CSRNP3: variants seen among roughly 807,000 people sequenced by gnomAD.
The protein encoded by CSRNP3 is cysteine and serine rich nuclear protein 3.
In CSRNP3, 12 loss-of-function variants were observed where a neutral mutation model predicts 48.0. The ratio of observed to expected loss-of-function variants is 0.25; its 90% CI spans 0.16 to 0.41. The LOEUF (loss-of-function observed/expected upper bound fraction) is 0.41, where lower values mean the gene tolerates loss of function less well. Among genes scored for constraint, CSRNP3 ranks in the 10% least tolerant of loss-of-function variants. The pLI is 1.00. For synonymous variants in CSRNP3, 263 were observed against 269.7 expected, an observed-to-expected ratio of 0.98 and a Z score of 0.24; for missense variants, 580 against 724.4, an observed-to-expected ratio of 0.80 and a Z score of 2.29.
At chr2:165,574,867 C>T (rs1262559799) in intron 3 of CSRNP3, among the ~76,000 whole-genome samples, 6 of 152,070 alleles carry the variant, frequency 3.9e-5, no homozygotes, top group Non-Finnish European at 7.4e-5. Context: ...CTCACACAAT[C>T]GCATAAGGAC....
intron 2 of CSRNP3, among the ~76,000 whole-genome samples, chr2:165,511,351 G>C (rs141188311): frequency 5.5e-4 from 83 of 152,108 alleles, no homozygotes; most frequent in Middle Eastern, 3.4e-3. Context: ...ATTTTAAGAT[G>C]GGAGATATTA....
chr2:165,567,568 C>T (rs2105271690), intron 3 of CSRNP3, among the ~76,000 whole-genome samples: 1 of 152,066 alleles, frequency 6.6e-6, no homozygotes, highest in South Asian at 2.1e-4. Context: ...GTCTAATATC[C>T]AAATAGAATG....
chr2:165,645,583 A>G (rs943393401), intron 4 of CSRNP3, among the ~76,000 whole-genome samples: 4 of 152,178 alleles, frequency 2.6e-5, no homozygotes, highest in Non-Finnish European at 4.4e-5. Flanking sequence ...AATCACAGTT[A>G]TAGTAAAATT....
rs964498788 is a variant in CSRNP3 at position 165,688,309 on chromosome 2, A to T, written c.*8556A>T. On this transcript the variant is annotated 3_prime_UTR_variant, in exon 7 of 7. Coordinates refer to ENST00000651982, the MANE Select transcript of CSRNP3 (RefSeq NM_001172173.2). ...CCTTTATTGTGTCTTAGTAAAGTTG[A>T]TCTGCTTTATTTTTAGTTTATTGAA... The T allele has an allele frequency of 5.3e-5, 8 of 152,040 alleles. No individual in the cohort carries two copies. The highest frequency in any genetic ancestry group is 1.9e-4 in the African/African-American group (8 of 41,430). The allele number at this position is 152,040 out of a possible 1,614,324, so 9.4% of individuals were successfully genotyped here. A position where few individuals can be genotyped will look rare whatever the true frequency, so the allele number is the denominator to read the frequency against.
At chr2:165,640,012 A>G (rs1430751600) in intron 4 of CSRNP3, among the ~76,000 whole-genome samples, 1 of 152,230 alleles carries the variant, frequency 6.6e-6, no homozygotes, top group African/African-American at 2.4e-5. Context: ...TTTAAAGTAC[A>G]GAACAGAGCA....
intron 5 of CSRNP3, among the ~76,000 whole-genome samples, chr2:165,662,352 G>A (rs1020922943): frequency 1.3e-5 from 2 of 152,056 alleles, no homozygotes; most frequent in African/African-American, 4.8e-5. Context: ...TTTTTTGTTA[G>A]TGGTGCTGGT....
intron 4 of CSRNP3, among the ~76,000 whole-genome samples, chr2:165,608,578 G>A (rs748214908): frequency 6.6e-6 from 1 of 152,122 alleles, no homozygotes; most frequent in Admixed American, 6.5e-5. Flanking sequence ...TCTCATGTAT[G>A]TGCTAATTGT....
Position 165,622,587 on chromosome 2 carries a change from G to T in CSRNP3, c.148+27374G>T, listed in dbSNP as rs568483955. Among the ~76,000 whole-genome samples the T allele has an allele frequency of 5.6e-4, 85 of 152,204 alleles. 1 individual carries two copies. Among genetic ancestry groups the T allele is most frequent in the South Asian group, 1.7e-3 (8 of 4,820 alleles). The stretch of plus-strand genomic sequence containing the variant: ...GAACTCATGATTCTTCTATCTCGTT[G>T]ATCCACCATATTTAACACTGTTTCT... On this transcript the variant is annotated intron_variant, in intron 4 of 6. Coordinates refer to ENST00000651982, the MANE Select transcript of CSRNP3 (RefSeq NM_001172173.2).
chr2:165,484,746 C>G (rs905035435), intron 1 of CSRNP3, among the ~76,000 whole-genome samples: 8 of 152,180 alleles, frequency 5.3e-5, no homozygotes, highest in African/African-American at 1.9e-4. Flanking sequence ...GCATCCTATT[C>G]TCTCTCACAA....
chr2:165,616,601 G>T (rs1164783640), intron 4 of CSRNP3, among the ~76,000 whole-genome samples: 1 of 152,082 alleles, frequency 6.6e-6, no homozygotes, highest in Non-Finnish European at 1.5e-5. Context: ...CTGAACTGTA[G>T]ATTTCTGCTC....
chr2:165,560,002 A>G (rs751119179), intron 3 of CSRNP3, among the ~76,000 whole-genome samples: 9 of 151,564 alleles, frequency 5.9e-5, no homozygotes, highest in Admixed American at 3.3e-4. Flanking sequence ...GGTTTCACCA[A>G]GTTAGCCAGG....
intron 4 of CSRNP3, among the ~76,000 whole-genome samples, chr2:165,655,743 A>G (rs1163605523): frequency 6.6e-6 from 1 of 152,176 alleles, no homozygotes; most frequent in Non-Finnish European, 1.5e-5. Flanking sequence ...GTAGCCCCCG[A>G]CATTCTTGGC....
chr2:165,562,814 C>T (rs951598542), intron 3 of CSRNP3, among the ~76,000 whole-genome samples: 2 of 152,034 alleles, frequency 1.3e-5, no homozygotes, highest in African/African-American at 2.4e-5. Context: ...AGTAATAAGG[C>T]ATAGTGTCAT....
intron 4 of CSRNP3, among the ~76,000 whole-genome samples, chr2:165,640,207 A>T (rs1391943105): frequency 6.6e-6 from 1 of 152,210 alleles, no homozygotes; most frequent in Non-Finnish European, 1.5e-5. Context: ...CTACGTGCCA[A>T]ACTTTGTTTA....
At chr2:165,600,175 T>C (rs1019036689) in intron 4 of CSRNP3, among the ~76,000 whole-genome samples, 24 of 142,558 alleles carry the variant, frequency 1.7e-4, no homozygotes, top group African/African-American at 4.7e-4. Flanking sequence ...TGAGTGAGAA[T>C]ATGCGGTGTT....
chr2:165,577,243 A>G (rs547363198), intron 3 of CSRNP3, among the ~76,000 whole-genome samples: 63 of 151,908 alleles, frequency 4.1e-4, no homozygotes, highest in African/African-American at 1.4e-3. Context: ...ATTTTAATAT[A>G]ATATTTTAAA....
chr2:165,547,348 A>G (rs984293135), intron 3 of CSRNP3, among the ~76,000 whole-genome samples: 2 of 152,158 alleles, frequency 1.3e-5, no homozygotes, highest in Admixed American at 1.3e-4. Flanking sequence ...GCTTTGAAAA[A>G]CTTTCACAGA....
intron 2 of CSRNP3, among the ~76,000 whole-genome samples, chr2:165,516,237 A>G (rs1684581201): frequency 6.6e-6 from 1 of 152,156 alleles, no homozygotes; most frequent in Admixed American, 6.5e-5. Flanking sequence ...CATCTTTAAC[A>G]GAGAAAACAG....
At chr2:165,536,512 GT>G in intron 3 of CSRNP3, among the ~76,000 whole-genome samples, 1 of 151,924 alleles carries the variant, frequency 6.6e-6, no homozygotes, top group South Asian at 2.1e-4. Context: ...TAAAGTATTG[GT>G]TTTGTCAGGT....
Sources: allele counts gnomAD v4.1 joint callset (sites outside exome capture counted in the v4.1 genomes callset), GRCh38; gene constraint gnomAD v4.1.1; transcripts MANE v1.5; gene names NCBI Gene and HGNC (gene_info 2026-07-23, HGNC 2026-07-21).